ITGA4: variants seen among roughly 807,000 people sequenced by gnomAD.
The protein encoded by ITGA4 is integrin alpha-4.
ITGA4 carries 63 observed loss-of-function variants against 133.6 expected under a neutral mutation model. The ratio of observed to expected loss-of-function variants is 0.47; its 90% confidence interval spans 0.38 to 0.58. The LOEUF is 0.58. ITGA4 is among the 20% of genes least tolerant of loss of function. The pLI is 0.00. For missense variants in ITGA4, 1,076 were observed against 1,252.7 expected (o/e 0.86, Z 2.13); for synonymous variants, 483 against 438.0 (o/e 1.10, Z -1.28).
Position 181,522,257 on chromosome 2 carries a change from G to A in ITGA4, c.1989G>A (p.Leu663=), listed in dbSNP as rs1333189588. The A allele has an allele frequency of 7.0e-7, 1 of 1,422,984 alleles. No individual in the cohort carries two copies. Among genetic ancestry groups the A allele is most frequent in the Non-Finnish European group, 9.6e-7 (1 of 1,043,160 alleles). 88.1% of individuals were successfully genotyped at this position (1,422,984 alleles called of 1,614,324 possible). A position where few individuals can be genotyped will look rare whatever the true frequency, so the allele number is the denominator to read the frequency against. ...AGACATTGATGTTGAATGTGTCCTT[G>A]TTTAATGCTGGAGATGATGCATATG... ...SMKTLMLNVS[L]FNAGDDAYET... Residue 663 remains leucine, a synonymous_variant, in exon 18 of 28, where the codon TTG becomes TTA. Transcript: ENST00000397033.
Position 181,530,528 on chromosome 2 carries a change from C to T in ITGA4, c.2543C>T (p.Thr848Ile), listed in dbSNP as rs1194616813. 3.1e-6 allele frequency: 5 copies of T among 1,612,432 alleles called. No homozygotes were observed. Among genetic ancestry groups the T allele is most frequent in the Admixed American group, 3.3e-5 (2 of 59,982 alleles). ...TCTTGCTTTCTGTCTTCATAGACTACTACTGGAGAATGCCACTTTGAAAAT... is the reference window on the plus strand; with the variant it reads ...TCTTGCTTTCTGTCTTCATAGACTATTACTGGAGAATGCCACTTTGAAAAT... ...KLFNILDVQT[T>I]TGECHFENYQ... The change falls in exon 24 of 28, where the codon ACT (threonine) becomes ATT (isoleucine). Residue 848 changes from threonine (T) to isoleucine (I), a missense_variant. Physicochemically the swap from Thr to Ile is moderately conservative, Grantham distance 89 (BLOSUM62 -1). Transcript: ENST00000397033.
chr2:181,477,464 A>G (rs1685702918), intron 4 of ITGA4, among the ~76,000 whole-genome samples: 1 of 152,152 alleles, frequency 6.6e-6, no homozygotes, highest in Non-Finnish European at 1.5e-5. Context: ...AGTCCTATAT[A>G]TTTAAAATGT....
intron 15 of ITGA4, among the ~76,000 whole-genome samples, chr2:181,509,289 T>C (rs1294142175): frequency 6.6e-6 from 1 of 151,336 alleles, no homozygotes; most frequent in Non-Finnish European, 1.5e-5. Flanking sequence ...TTAAATGGGA[T>C]AAAAAGCACC....
chr2:181,466,026 A>G (rs1466624522), intron 2 of ITGA4, among the ~76,000 whole-genome samples: 2 of 152,106 alleles, frequency 1.3e-5, no homozygotes, highest in African/African-American at 4.8e-5. Flanking sequence ...TCCCTCTTTA[A>G]ATTATGCTTA....
intron 18 of ITGA4, among the ~76,000 whole-genome samples, 153 bp downstream of exon 18, chr2:181,522,494 G>T (rs1686741735): frequency 6.6e-6 from 1 of 152,144 alleles, no homozygotes; most frequent in African/African-American, 2.4e-5. Flanking sequence ...CCCCTGCTCA[G>T]AATGGCAAGT....
In ITGA4 at chr2:181,457,689, G is replaced by A; in HGVS notation, c.35G>A (p.Arg12Gln). The A allele has an allele frequency of 6.2e-7, 1 of 1,611,248 alleles. No homozygotes were observed. The highest frequency in any genetic ancestry group is 8.5e-7 in the Non-Finnish European group (1 of 1,179,432). The change falls in exon 1 of 28, where the codon CGA becomes CAA. Residue 12 changes from arginine to glutamine, a missense_variant. This residue lies in a region of ITGA4 where 82 missense variants were observed against 68.3 expected (regional missense o/e 1.20). Transcript: ENST00000397033. ...AWEARREPGP[R>Q]RAAVRETVML... ...GAAGCGAGGCGCGAACCCGGCCCCC[G>A]AAGGGCCGCCGTCCGGGAGACGGTG...
chr2:181,460,897 T>C (rs555964332), intron 2 of ITGA4, among the ~76,000 whole-genome samples: 3 of 152,132 alleles, frequency 2.0e-5, no homozygotes, highest in African/African-American at 7.2e-5. Flanking sequence ...AAAAATGTTA[T>C]AATGATTAAA....
intron 2 of ITGA4, among the ~76,000 whole-genome samples, chr2:181,460,440 A>T (rs892402068): frequency 6.6e-6 from 1 of 152,210 alleles, no homozygotes; most frequent in African/African-American, 2.4e-5. Context: ...TAGAAATAAA[A>T]CACTAAAAAC....
intron 24 of ITGA4, among the ~76,000 whole-genome samples, chr2:181,531,039 C>A (rs868681620): frequency 6.6e-6 from 1 of 151,958 alleles, no homozygotes. Context: ...TGCTTGAATC[C>A]GGGAGGTGGA....
chr2:181,500,307 C>T (rs1018683242), intron 15 of ITGA4, among the ~76,000 whole-genome samples: 24 of 152,150 alleles, frequency 1.6e-4, no homozygotes, highest in Admixed American at 1.5e-3. Flanking sequence ...ATAAGAACCA[C>T]AGTTGCAGCT....
At chr2:181,514,652 G>A (rs1370202305) in intron 17 of ITGA4, among the ~76,000 whole-genome samples, 2 of 152,010 alleles carry the variant, frequency 1.3e-5, no homozygotes, top group East Asian at 3.9e-4. Context: ...ATAAGAAGAC[G>A]AGCTGTGTGG....
At chr2:181,493,020 G>T in intron 10 of ITGA4, 1 of 237,104 alleles carries the variant, frequency 4.2e-6, no homozygotes, top group South Asian at 8.7e-5. Context: ...AACCTAGTGT[G>T]GCAGTGCCCA....
At chr2:181,472,761 A>G (rs775514626) in intron 2 of ITGA4, among the ~76,000 whole-genome samples, 1 of 152,060 alleles carries the variant, frequency 6.6e-6, no homozygotes. Context: ...TTTAGACCTT[A>G]CCTATCTCCC....
chr2:181,533,119 TGAG>T (rs1686979363), intron 25 of ITGA4, among the ~76,000 whole-genome samples: 1 of 152,200 alleles, frequency 6.6e-6, no homozygotes, highest in Non-Finnish European at 1.5e-5. Flanking sequence ...TGTATATTTA[TGAG>T]GAGTAGTTTG....
intron 10 of ITGA4, among the ~76,000 whole-genome samples, chr2:181,489,215 T>C (rs1373227605): frequency 6.6e-6 from 1 of 152,232 alleles, no homozygotes; most frequent in Non-Finnish European, 1.5e-5. Context: ...TTTGTGGTAC[T>C]TTGCATAGCA....
intron 17 of ITGA4, among the ~76,000 whole-genome samples, chr2:181,521,013 A>G (rs180981601): frequency 6.6e-6 from 1 of 152,300 alleles, no homozygotes; most frequent in Admixed American, 6.5e-5. Flanking sequence ...TTCAAACACT[A>G]ATCTTCTCTA....
chr2:181,507,859 T>C (rs1686426457), intron 15 of ITGA4, among the ~76,000 whole-genome samples: 1 of 152,132 alleles, frequency 6.6e-6, no homozygotes, highest in African/African-American at 2.4e-5. Context: ...GTGGAACCGA[T>C]GGGTACAGAG....
chr2:181,465,330 TATG>T (rs1460768142), intron 2 of ITGA4, among the ~76,000 whole-genome samples: 2 of 152,176 alleles, frequency 1.3e-5, no homozygotes, highest in African/African-American at 4.8e-5. Flanking sequence ...GCCAGGATAA[TATG>T]ATACATTCCT....
intron 21 of ITGA4, among the ~76,000 whole-genome samples, chr2:181,525,498 C>T (rs373615290): frequency 1.1e-4 from 16 of 152,284 alleles, no homozygotes; most frequent in Middle Eastern, 3.4e-3. Context: ...CTACATCAAA[C>T]TAGTACCCAG....
Sources: allele counts gnomAD v4.1 joint callset (sites outside exome capture counted in the v4.1 genomes callset), GRCh38; gene constraint gnomAD v4.1.1; regional missense constraint gnomAD v4.1.1; transcripts MANE v1.5; gene names NCBI Gene and HGNC (gene_info 2026-07-23, HGNC 2026-07-21).